LIMCH1: variants seen among roughly 807,000 people sequenced by gnomAD.
The protein encoded by LIMCH1 is LIM and calponin homology domains 1.
LIMCH1 carries 113 observed loss-of-function variants against 176.5 expected under a neutral mutation model. The observed-to-expected ratio is 0.64, with a 90% CI of 0.55 to 0.75. The LOEUF is 0.75. Among genes scored for constraint, LIMCH1 ranks in the 30% least tolerant of loss-of-function variants. The pLI, the probability that LIMCH1 is intolerant of heterozygous loss-of-function variation, is 0.00. For synonymous variants in LIMCH1, 619 were observed against 645.9 expected (o/e 0.96, Z 0.63); for missense variants, 1,674 against 1,814.9 (o/e 0.92, Z 1.41).
intron 4 of LIMCH1, chr4:41,612,654 G>T: frequency 1.4e-6 from 1 of 702,492 alleles, no homozygotes; most frequent in African/African-American, 1.7e-5. Context: ...CAGTGTTTTA[G>T]TATGTGCTGC....
At chr4:41,383,969 C>A (rs975356) in intron 1 of LIMCH1, among the ~76,000 whole-genome samples, 150,761 of 152,324 alleles carry the variant, frequency 0.99, 74,616 homozygotes, top group East Asian at 1. Flanking sequence ...ATAGTATCAG[C>A]AGCTAAGGCA....
At chr4:41,596,663 A>C (rs889910743) in intron 1 of LIMCH1, among the ~76,000 whole-genome samples, 1 of 152,210 alleles carries the variant, frequency 6.6e-6, no homozygotes, top group African/African-American at 2.4e-5. Context: ...TACCTAGGAC[A>C]GTGTCAATCA....
chr4:41,454,067 A>G (rs1036392704), intron 1 of LIMCH1, among the ~76,000 whole-genome samples: 1 of 151,914 alleles, frequency 6.6e-6, no homozygotes, highest in Admixed American at 6.6e-5. Flanking sequence ...CTCCTACTTC[A>G]TGTCAATCAA....
intron 1 of LIMCH1, among the ~76,000 whole-genome samples, chr4:41,480,950 CATACAAGGGCTCG>C (rs1160743325): frequency 4.6e-5 from 7 of 152,102 alleles, no homozygotes; most frequent in Non-Finnish European, 8.8e-5. Context: ...GCATCTAGAT[CATACAAGGGCTCG>C]ATCAGAGGAT....
intron 13 of LIMCH1, among the ~76,000 whole-genome samples, chr4:41,635,122 A>G (rs2093514515): frequency 6.6e-6 from 1 of 152,216 alleles, no homozygotes; most frequent in Non-Finnish European, 1.5e-5. Flanking sequence ...TGGTACCTAC[A>G]GAGCCAAGAT....
At chr4:41,570,573 C>T (rs2083408517) in intron 1 of LIMCH1, among the ~76,000 whole-genome samples, 1 of 152,198 alleles carries the variant, frequency 6.6e-6, no homozygotes, top group African/African-American at 2.4e-5. Context: ...TGGTTTGGAC[C>T]TGTGCACTTG....
At chr4:41,411,610 C>T (rs1294170467) in intron 1 of LIMCH1, among the ~76,000 whole-genome samples, 1 of 151,860 alleles carries the variant, frequency 6.6e-6, no homozygotes, top group Non-Finnish European at 1.5e-5. Context: ...GGATTGATCG[C>T]TCCACCACTC....
At chr4:41,676,291 G>T in intron 22 of LIMCH1, 91 bp from the exon 23 acceptor site, 1 of 903,528 alleles carries the variant, frequency 1.1e-6, no homozygotes, top group South Asian at 1.6e-5. Flanking sequence ...CAATCTGGGT[G>T]CCAGGCCAGA....
At chr4:41,616,518 A>C (rs1053393589) in intron 5 of LIMCH1, among the ~76,000 whole-genome samples, 4 of 147,916 alleles carry the variant, frequency 2.7e-5, no homozygotes, top group Non-Finnish European at 4.5e-5. Context: ...AACAAGAGCG[A>C]AACTCCATCT....
intron 1 of LIMCH1, among the ~76,000 whole-genome samples, chr4:41,370,054 G>A (rs760943210): frequency 7.2e-5 from 11 of 151,922 alleles, no homozygotes; most frequent in Admixed American, 6.6e-4. Flanking sequence ...TGGCCCTTGG[G>A]TGAAGATATT....
At chr4:41,663,091 T>C (rs921262445) in intron 20 of LIMCH1, 107 bp downstream of exon 20, 2 of 1,040,910 alleles carry the variant, frequency 1.9e-6, no homozygotes, top group African/African-American at 3.2e-5. Flanking sequence ...TTTATTTCTC[T>C]CCTCATCTTT....
intron 2 of LIMCH1, among the ~76,000 whole-genome samples, chr4:41,509,744 T>C (rs910449121): frequency 2.6e-5 from 4 of 152,144 alleles, no homozygotes; most frequent in Non-Finnish European, 4.4e-5. Flanking sequence ...GGAAGGTGAA[T>C]ATGCAGGACT....
intron 2 of LIMCH1, among the ~76,000 whole-genome samples, chr4:41,512,733 T>G (rs1358384760): frequency 6.6e-6 from 1 of 152,160 alleles, no homozygotes; most frequent in African/African-American, 2.4e-5. Context: ...TTAGTGGTTG[T>G]TTGGGGCTGG....
intron 1 of LIMCH1, among the ~76,000 whole-genome samples, chr4:41,396,909 T>A (rs7668691): frequency 0.066 from 9,577 of 145,766 alleles, 986 homozygotes; most frequent in African/African-American, 0.22. Flanking sequence ...AAAAAAAAAA[T>A]AAATAAATAA....
At chr4:41,554,191 C>A (rs1224419461) in intron 1 of LIMCH1, among the ~76,000 whole-genome samples, 1 of 152,182 alleles carries the variant, frequency 6.6e-6, no homozygotes, top group Non-Finnish European at 1.5e-5. Flanking sequence ...AGATCTTCCA[C>A]TGTTTCTCTT....
chr4:41,493,483 A>G (rs773603042), intron 1 of LIMCH1, among the ~76,000 whole-genome samples: 26 of 151,728 alleles, frequency 1.7e-4, no homozygotes, highest in Non-Finnish European at 2.5e-4. Context: ...TTTTGTTGTC[A>G]TTATTTCCTA....
intron 13 of LIMCH1, among the ~76,000 whole-genome samples, chr4:41,637,193 C>CCTTTT (rs2093629845): frequency 6.8e-6 from 1 of 147,164 alleles, no homozygotes; most frequent in Non-Finnish European, 1.5e-5. Context: ...CTTTTCCTTT[C>CCTTTT]CTTTCCTTTT....
chr4:41,402,934 AC>A lies in LIMCH1; in HGVS notation c.96+42000del, dbSNP rs1463988227. Among the ~76,000 whole-genome samples, 13 of 151,880 alleles carry A rather than the reference AC, an allele frequency of 8.6e-5. 1 individual carries two copies. Among genetic ancestry groups the A allele is most frequent in the Admixed American group, 8.5e-4 (13 of 15,248 alleles). On this transcript the variant is annotated intron_variant, in intron 1 of 26. Transcript: ENST00000313860. ...TGGCACATGTATACATATGTAACTA[AC>A]CTGCACATTGTGCACATGTACCCTA... is the stretch of plus-strand genomic sequence containing the variant.
intron 3 of LIMCH1, among the ~76,000 whole-genome samples, chr4:41,525,647 G>A (rs1300953409): frequency 6.6e-6 from 1 of 152,052 alleles, no homozygotes; most frequent in Non-Finnish European, 1.5e-5. Context: ...TCAGAATCAT[G>A]TAACCAAATA....
Sources: allele counts gnomAD v4.1 joint callset (sites outside exome capture counted in the v4.1 genomes callset), GRCh38; gene constraint gnomAD v4.1.1; transcripts MANE v1.5; gene names NCBI Gene and HGNC (gene_info 2026-07-23, HGNC 2026-07-21).